The following SORCS3 variants were observed in gnomAD, a reference collection of about 807,000 sequenced individuals.
The protein encoded by SORCS3 is VPS10 domain-containing receptor SorCS3.
SORCS3 carries 57 observed loss-of-function variants against 146.3 expected under a neutral mutation model. The ratio of observed to expected loss-of-function variants is 0.39; its 90% CI spans 0.31 to 0.49. The LOEUF is 0.49. Ranked by LOEUF, SORCS3 falls within the 20% of genes least tolerant of loss-of-function variation. SORCS3 has a pLI of 0.92. For missense variants in SORCS3, 1,341 were observed against 1,575.5 expected (o/e 0.85, Z 2.52); for synonymous variants, 653 against 618.5 (o/e 1.06, Z -0.83).
At chr10:105,064,596 C>T (rs1028912685) in intron 5 of SORCS3, among the ~76,000 whole-genome samples, 1 of 150,518 alleles carries the variant, frequency 6.6e-6, no homozygotes, top group Non-Finnish European at 1.5e-5. Context: ...AGAACCTGGG[C>T]GGGGGGTTGC....
chr10:105,234,500 T>A (rs1324427798), intron 20 of SORCS3, among the ~76,000 whole-genome samples: 1 of 151,970 alleles, frequency 6.6e-6, no homozygotes, highest in African/African-American at 2.4e-5. Context: ...TCACATTACA[T>A]GCATTTATAC....
At chr10:105,043,989 A>G (rs114840790) in intron 5 of SORCS3, among the ~76,000 whole-genome samples, 1,940 of 152,140 alleles carry the variant, frequency 0.013, 26 homozygotes, top group African/African-American at 0.034. Flanking sequence ...TCTTGCTTTC[A>G]TTTTAGCAGA....
chr10:105,174,543 C>A (rs1228102021), intron 13 of SORCS3, among the ~76,000 whole-genome samples: 1 of 151,868 alleles, frequency 6.6e-6, no homozygotes, highest in African/African-American at 2.4e-5. Context: ...TTTGGAGTTT[C>A]TTTAGGGAGT....
chr10:104,835,874 G>A (rs974547077), intron 1 of SORCS3, among the ~76,000 whole-genome samples: 1 of 152,158 alleles, frequency 6.6e-6, no homozygotes, highest in African/African-American at 2.4e-5. Flanking sequence ...AAGCAAGCTG[G>A]CATCCCTTAT....
At chr10:105,003,116 C>G (rs1294021054) in intron 4 of SORCS3, among the ~76,000 whole-genome samples, 1 of 152,104 alleles carries the variant, frequency 6.6e-6, no homozygotes, top group Non-Finnish European at 1.5e-5. Flanking sequence ...TGTTATAATT[C>G]CTAACAATGG....
Position 105,255,702 on chromosome 10 carries a change from A to G in SORCS3, c.3238A>G (p.Ile1080Val), listed in dbSNP as rs1158963266. ...RKGNEGDLEQ[I>V]VETLFNALNQ... ...CATGCATCCTGTCTTATTTTTTCAG[A>G]TTGTAGAAACACTGTTTAATGCTCT... The change falls in exon 24 of 27, where the codon ATT (isoleucine) becomes GTT (valine). Residue 1080 changes from isoleucine to valine, a missense_variant and splice_region_variant. Transcript: ENST00000369701. The G allele has an allele frequency of 2.5e-6, 4 of 1,610,686 alleles. No individual in the cohort carries two copies. Among genetic ancestry groups the G allele is most frequent in the South Asian group, 1.1e-5 (1 of 90,768 alleles).
chr10:104,903,202 G>A (rs891892028), intron 2 of SORCS3, among the ~76,000 whole-genome samples: 7 of 152,142 alleles, frequency 4.6e-5, no homozygotes. Flanking sequence ...TCATAGTGAG[G>A]ATTCAGTGAA....
At chr10:104,693,332 C>A (rs1266734559) in intron 1 of SORCS3, among the ~76,000 whole-genome samples, 1 of 152,120 alleles carries the variant, frequency 6.6e-6, no homozygotes, top group Non-Finnish European at 1.5e-5. Context: ...GGCATTTCAG[C>A]AAGCCACACC....
chr10:104,646,918 G>C (rs1009702267), intron 1 of SORCS3, among the ~76,000 whole-genome samples: 16 of 152,134 alleles, frequency 1.1e-4, no homozygotes, highest in Admixed American at 4.6e-4. Flanking sequence ...ATAGGGCTCT[G>C]ACTTTGTTGG....
intron 1 of SORCS3, among the ~76,000 whole-genome samples, chr10:104,779,321 T>C (rs144703561): frequency 0.013 from 1,977 of 152,292 alleles, 30 homozygotes; most frequent in African/African-American, 0.038. Flanking sequence ...AGGAATACTC[T>C]TCCTCTGGCC....
intron 14 of SORCS3, among the ~76,000 whole-genome samples, chr10:105,193,409 G>T (rs906170935): frequency 1.3e-5 from 2 of 152,174 alleles, no homozygotes; most frequent in African/African-American, 4.8e-5. Context: ...CAACCCAGAA[G>T]TATTTATTAA....
intron 20 of SORCS3, among the ~76,000 whole-genome samples, chr10:105,244,795 G>A (rs922650074): frequency 3.3e-5 from 5 of 152,068 alleles, no homozygotes; most frequent in African/African-American, 4.8e-5. Context: ...GCGGCCGGGC[G>A]CAGTGGTTCA....
chr10:105,200,259 G>A (rs894463739), intron 15 of SORCS3, 143 bp downstream of exon 15: 49 of 656,802 alleles, frequency 7.5e-5, no homozygotes, highest in Non-Finnish European at 2.7e-6. Context: ...GGAGAAAAGG[G>A]TGAAACACAC....
chr10:104,766,775 T>A (rs1422047302), intron 1 of SORCS3, among the ~76,000 whole-genome samples: 3 of 152,228 alleles, frequency 2.0e-5, no homozygotes, highest in Non-Finnish European at 4.4e-5. Context: ...GGGGCCACGG[T>A]ACCTCTGAAT....
At chr10:105,054,442 A>C (rs957506127) in intron 5 of SORCS3, among the ~76,000 whole-genome samples, 5 of 151,920 alleles carry the variant, frequency 3.3e-5, no homozygotes, top group Admixed American at 1.3e-4. Context: ...AGTATTTTCC[A>C]ACAATATATT....
intron 3 of SORCS3, among the ~76,000 whole-genome samples, chr10:104,943,445 T>A (rs2133620208): frequency 6.6e-6 from 1 of 152,312 alleles, no homozygotes; most frequent in East Asian, 1.9e-4. Flanking sequence ...AAGAGTTCTA[T>A]GTATAATAGC....
chr10:104,959,626 C>T (rs752851371), intron 3 of SORCS3, among the ~76,000 whole-genome samples: 3 of 152,118 alleles, frequency 2.0e-5, no homozygotes, highest in South Asian at 2.1e-4. Context: ...ACAATACCTG[C>T]GTTGCATTCC....
chr10:105,113,444 C>T (rs2055872284), intron 7 of SORCS3, among the ~76,000 whole-genome samples: 2 of 152,168 alleles, frequency 1.3e-5, no homozygotes, highest in African/African-American at 4.8e-5. Context: ...AATTAAACCT[C>T]TTCCCATGAC....
At chr10:104,855,791 A>C (rs2018324740) in intron 2 of SORCS3, among the ~76,000 whole-genome samples, 1 of 152,032 alleles carries the variant, frequency 6.6e-6, no homozygotes, top group Non-Finnish European at 1.5e-5. Flanking sequence ...GCTGGAGTGC[A>C]GTGGTGTGAA....
Sources: gnomAD v4.1 joint callset for allele counts (sites outside exome capture counted in the v4.1 genomes callset) on GRCh38, gnomAD v4.1.1 for gene constraint, MANE v1.5 for transcripts, NCBI Gene and HGNC (gene_info 2026-07-23, HGNC 2026-07-21) for gene names.